IL31RA: variants seen among roughly 807,000 people sequenced by gnomAD.
The protein encoded by IL31RA is interleukin-31 receptor subunit alpha.
In IL31RA, 66 loss-of-function variants were observed where a neutral mutation model predicts 83.7. The observed-to-expected ratio is 0.79, with a 90% CI of 0.65 to 0.97. The LOEUF (loss-of-function observed/expected upper bound fraction) is 0.97. IL31RA is among the 50% of genes least tolerant of loss of function. The pLI is 0.00. For missense variants in IL31RA, 798 were observed against 919.4 expected, an observed-to-expected ratio of 0.87 and a Z score of 1.71; for synonymous variants, 325 against 329.0, an observed-to-expected ratio of 0.99 and a Z score of 0.13.
At position 55,917,145 on chromosome 5, in the gene IL31RA, G is replaced by A. The variant is rs768978435; in HGVS notation, c.*25G>A. On this transcript the variant is annotated 3_prime_UTR_variant, in exon 15 of 15. Coordinates refer to ENST00000652347, the MANE Select transcript of IL31RA (RefSeq NM_139017.7). ...AATGCGACCATAGCATGAGACCCTCGGGGCCTCAGTGTGGATGGCCCTTGC... is the reference window on the plus strand; with the variant it reads ...AATGCGACCATAGCATGAGACCCTCAGGGCCTCAGTGTGGATGGCCCTTGC... 20 of 1,613,594 alleles carry A rather than the reference G, an allele frequency of 1.2e-5. No individual in the cohort carries two copies. Among genetic ancestry groups the A allele is most frequent in the Non-Finnish European group, 1.6e-5 (19 of 1,180,024 alleles).
At chr5:55,868,990 A>G (rs972319033) in intron 3 of IL31RA, 82 bp downstream of exon 3, 10 of 850,322 alleles carry the variant, frequency 1.2e-5, no homozygotes, top group South Asian at 1.1e-4. Context: ...CACATCCCAT[A>G]TGAAGCAAAA....
chr5:55,882,191 C>T (rs1173296093), intron 4 of IL31RA, among the ~76,000 whole-genome samples: 2 of 152,108 alleles, frequency 1.3e-5, no homozygotes, highest in Non-Finnish European at 2.9e-5. Flanking sequence ...TAGGGGGAGC[C>T]CTCTCCTGTC....
At chr5:55,861,331 G>A (rs1745673238) in intron 2 of IL31RA, among the ~76,000 whole-genome samples, 1 of 152,162 alleles carries the variant, frequency 6.6e-6, no homozygotes, top group Non-Finnish European at 1.5e-5. Flanking sequence ...TAGGAACTGG[G>A]CCACACAGCA....
rs56052025 is a variant in IL31RA at position 55,922,054 on chromosome 5, C to CGGGGGG, written c.*4941_*4946dup. ...AGTGTCTTGCACTCTTATGTTGTGG[C>CGGGGGG]GGGGGGGGGGGGCGGTTCCTGAAGA... On this transcript the variant is annotated 3_prime_UTR_variant, in exon 15 of 15. Coordinates refer to ENST00000652347, the MANE Select transcript of IL31RA (RefSeq NM_139017.7). 5.7e-5 allele frequency among the ~76,000 whole-genome samples: 4 copies of CGGGGGG among 70,382 alleles called. No individual in the cohort carries two copies. The highest frequency in any genetic ancestry group is 2.2e-4 in the African/African-American group (4 of 18,416). The allele number at this position is 70,382 out of a possible 152,430, so 46.2% of individuals were successfully genotyped here.
chr5:55,854,459 T>C (rs1745237377), intron 1 of IL31RA, among the ~76,000 whole-genome samples: 2 of 152,198 alleles, frequency 1.3e-5, no homozygotes, highest in African/African-American at 4.8e-5. Context: ...ATTTAAAATA[T>C]GCAGGCCGGG....
At position 55,886,632 on chromosome 5, in the gene IL31RA, A is replaced by G. The variant is rs186051542; in HGVS notation, c.607-3338A>G. On this transcript the variant is annotated intron_variant, in intron 5 of 14. Coordinates refer to ENST00000652347, the MANE Select transcript of IL31RA (RefSeq NM_139017.7). ...TCAGTTGCAATCCCAGCTAAACCCA[A>G]CTCTGCTCTTCCCAACCTTCTATCA... 2.9e-3 allele frequency among the ~76,000 whole-genome samples: 441 copies of G among 152,030 alleles called. 5 individuals carry two copies. The highest frequency in any genetic ancestry group is 0.01 in the African/African-American group (428 of 41,482).
intron 2 of IL31RA, among the ~76,000 whole-genome samples, chr5:55,867,149 ATG>A (rs1476477999): frequency 2.8e-4 from 20 of 71,180 alleles, no homozygotes; most frequent in South Asian, 4.7e-4. Context: ...GTGTGTGTGC[ATG>A]TGTGTTTGTG....
At chr5:55,902,960 T>C (rs929658014) in intron 8 of IL31RA, among the ~76,000 whole-genome samples, 2 of 152,164 alleles carry the variant, frequency 1.3e-5, no homozygotes, top group African/African-American at 4.8e-5. Flanking sequence ...TCTGCAGGAT[T>C]CCCAACTTGT....
At chr5:55,879,467 C>G (rs1168518728) in intron 4 of IL31RA, among the ~76,000 whole-genome samples, 1 of 71,922 alleles carries the variant, frequency 1.4e-5, no homozygotes, top group African/African-American at 5.4e-5. Flanking sequence ...GAGTGTTGCT[C>G]TATCACCCAG....
the IL31RA span, among the ~76,000 whole-genome samples, chr5:55,840,496 A>G: frequency 1.3e-5 from 2 of 152,234 alleles, no homozygotes; most frequent in African/African-American, 4.8e-5. Context: ...AAAAGACAAA[A>G]TCGCTGCCTT....
At chr5:55,845,685 T>G in the IL31RA span, among the ~76,000 whole-genome samples, 115,512 of 151,950 alleles carry the variant, frequency 0.76, 44,600 homozygotes, top group African/African-American at 0.84. Context: ...CTTCTCCTTT[T>G]CCTTCCGCCA....
rs1050223842 is a variant in IL31RA, at chr5:55,908,122, C to A, written c.1355-143C>A. The A allele has an allele frequency of 8.8e-5, 100 of 1,138,072 alleles. No individual in the cohort carries two copies. The Middle Eastern group carries it at 1.4e-3, about 16-fold the overall frequency. The allele number at this position is 1,138,072 out of a possible 1,614,324, so 70.5% of individuals were successfully genotyped here. On this transcript the variant is annotated intron_variant, in intron 10 of 14. Coordinates refer to ENST00000652347, the MANE Select transcript of IL31RA (RefSeq NM_139017.7). ...CTAGAAAACAATTTTCCCAAACAAG[C>A]TGATTCATCAATTCCCTACTCAACC...
chr5:55,881,194 AGGG>A (rs1275086395), intron 4 of IL31RA, among the ~76,000 whole-genome samples: 1 of 151,760 alleles, frequency 6.6e-6, no homozygotes, highest in South Asian at 2.1e-4. Context: ...CCCAGCTACT[AGGG>A]GGGCTGAGGC....
At position 55,872,359 on chromosome 5, in the gene IL31RA, C is replaced by T. The variant is rs138426439; in HGVS notation, c.362C>T (p.Thr121Met). Residue 121 changes from threonine (T) to methionine (M), a missense_variant, in exon 4 of 15, where the codon ACG (threonine) becomes ATG (methionine). Coordinates refer to ENST00000652347, the MANE Select transcript of IL31RA (RefSeq NM_139017.7). ...TGCTCTTTTTTCCTTCCAAGAATAA[C>T]GATCCCAGATAATTATACCATTGAG... ...ASCSFFLPRITIPDNYTIEVE... is the reference protein window; with the variant it reads ...ASCSFFLPRIMIPDNYTIEVE... 289 of 1,610,004 alleles carry T rather than the reference C, an allele frequency of 1.8e-4. No individual in the cohort carries two copies. Among genetic ancestry groups the T allele is most frequent in the Non-Finnish European group, 2.3e-4 (269 of 1,176,562 alleles).
chr5:55,916,529 G>A, intron 14 of IL31RA, 115 bp from the exon 15 acceptor site: 1 of 865,964 alleles, frequency 1.2e-6, no homozygotes, highest in East Asian at 2.4e-5. Context: ...GGCCTGGGAG[G>A]AAGGTGGGGG....
chr5:55,843,977 C>G, the IL31RA span, among the ~76,000 whole-genome samples: 5 of 152,036 alleles, frequency 3.3e-5, no homozygotes, highest in Admixed American at 3.3e-4. Context: ...ATGGCCATTG[C>G]TAATTCATGA....
upstream of IL31RA, among the ~76,000 whole-genome samples, chr5:55,850,701 C>A (rs143193942): frequency 2.9e-3 from 437 of 152,286 alleles, 3 homozygotes; most frequent in African/African-American, 0.01. Flanking sequence ...GATTTTCAAC[C>A]AATCTTATGA....
the IL31RA span, among the ~76,000 whole-genome samples, chr5:55,842,333 T>C: frequency 6.6e-6 from 1 of 152,316 alleles, no homozygotes; most frequent in South Asian, 2.1e-4. Flanking sequence ...AAGGTCATAT[T>C]AGGGTACCAG....
chr5:55,908,662 T>A, intron 11 of IL31RA: 1 of 1,525,244 alleles, frequency 6.6e-7, no homozygotes, highest in East Asian at 2.5e-5. Context: ...TGTTATAATT[T>A]GTCCTGGTTA....
Sources: allele counts gnomAD v4.1 joint callset (sites outside exome capture counted in the v4.1 genomes callset), GRCh38; gene constraint gnomAD v4.1.1; transcripts MANE v1.5; gene names NCBI Gene and HGNC (gene_info 2026-07-23, HGNC 2026-07-21).